The following RARB variants were observed in gnomAD, a reference collection of about 807,000 sequenced individuals.
RARB encodes the protein retinoic acid receptor beta, also known as HBV-activated protein.
A neutral mutation model predicts 51.9 loss-of-function variants in RARB; 17 were observed. The ratio of observed to expected loss-of-function variants is 0.33; its 90% CI spans 0.22 to 0.49. RARB has a LOEUF of 0.49. RARB is among the 20% of genes least tolerant of loss of function. The pLI, the probability that RARB is intolerant of heterozygous loss-of-function variation, is 0.99. For synonymous variants in RARB, 215 were observed against 195.4 expected (o/e 1.10, Z -0.84); for missense variants, 369 against 550.8 (o/e 0.67, Z 3.30).
At chr3:24,933,634 T>G (rs1471231437) in intron 2 of RARB, among the ~76,000 whole-genome samples, 8 of 151,998 alleles carry the variant, frequency 5.3e-5, no homozygotes. Flanking sequence ...AGAGCAGAAG[T>G]TATTACAGCA....
intron 4 of RARB, among the ~76,000 whole-genome samples, chr3:25,147,137 C>T (rs968429481): frequency 3.9e-5 from 6 of 152,108 alleles, no homozygotes; most frequent in African/African-American, 1.4e-4. Flanking sequence ...TTGGGGGACA[C>T]AATTTCCAGA....
intron 2 of RARB, among the ~76,000 whole-genome samples, chr3:24,928,889 G>A (rs1435243241): frequency 1.3e-5 from 2 of 151,824 alleles, no homozygotes; most frequent in African/African-American, 4.8e-5. Context: ...CTAGAAATTG[G>A]GTTCGTTTTA....
At chr3:25,321,400 C>T (rs2125439443) in intron 5 of RARB, among the ~76,000 whole-genome samples, 2 of 152,042 alleles carry the variant, frequency 1.3e-5, no homozygotes, top group East Asian at 3.9e-4. Flanking sequence ...GAAAATTTAA[C>T]AGAGATAAAA....
At chr3:25,033,197 T>C (rs1307546802) in intron 2 of RARB, among the ~76,000 whole-genome samples, 1 of 152,214 alleles carries the variant, frequency 6.6e-6, no homozygotes, top group Non-Finnish European at 1.5e-5. Flanking sequence ...GTGGGTATTA[T>C]TATGAAGGTC....
At chr3:25,259,992 TCTC>T in intron 5 of RARB, 6 of 985,308 alleles carry the variant, frequency 6.1e-6, no homozygotes, top group Non-Finnish European at 7.2e-6. Context: ...AGCCTTTTAC[TCTC>T]CTCAGTTTGT....
At chr3:25,477,037 G>A (rs1451992228) in intron 2 of RARB, among the ~76,000 whole-genome samples, 4 of 152,134 alleles carry the variant, frequency 2.6e-5, no homozygotes, top group African/African-American at 9.7e-5. Flanking sequence ...AGAAAACACA[G>A]AATTAGAGCA....
chr3:25,444,205 G>T (rs1708829090), intron 1 of RARB, among the ~76,000 whole-genome samples: 1 of 152,148 alleles, frequency 6.6e-6, no homozygotes, highest in Admixed American at 6.5e-5. Flanking sequence ...GCACTGAGAG[G>T]TTCAAATACC....
intron 5 of RARB, among the ~76,000 whole-genome samples, chr3:25,299,553 A>G (rs1289795598): frequency 1.3e-5 from 2 of 152,202 alleles, no homozygotes; most frequent in African/African-American, 4.8e-5. Flanking sequence ...CCACAGTATT[A>G]CAAGCAGTGC....
At chr3:24,853,507 C>T (rs1702590644) in intron 1 of RARB, among the ~76,000 whole-genome samples, 1 of 152,100 alleles carries the variant, frequency 6.6e-6, no homozygotes, top group Non-Finnish European at 1.5e-5. Flanking sequence ...CTCTGGTTTT[C>T]AGAACAGCAA....
chr3:25,408,997 G>A (rs1707489045), intron 5 of RARB, among the ~76,000 whole-genome samples: 4 of 152,166 alleles, frequency 2.6e-5, no homozygotes, highest in Admixed American at 2.0e-4. Flanking sequence ...TTGCGCCACT[G>A]CACTCCAGCC....
At chr3:25,344,676 A>T (rs1057107446) in intron 5 of RARB, among the ~76,000 whole-genome samples, 1 of 152,228 alleles carries the variant, frequency 6.6e-6, no homozygotes, top group African/African-American at 2.4e-5. Flanking sequence ...TCATTATGGG[A>T]ATACTTTGTG....
intron 5 of RARB, among the ~76,000 whole-genome samples, chr3:25,325,995 A>G (rs1242212034): frequency 6.6e-6 from 1 of 152,054 alleles, no homozygotes; most frequent in Admixed American, 6.6e-5. Flanking sequence ...CCCTATCATC[A>G]CCTACCTGAA....
intron 5 of RARB, among the ~76,000 whole-genome samples, chr3:25,177,082 A>G (rs957956239): frequency 8.5e-5 from 13 of 152,178 alleles, no homozygotes; most frequent in African/African-American, 2.9e-4. Flanking sequence ...AACATCAAAG[A>G]TTACTTACTT....
chr3:25,361,676 T>C (rs2125464130), intron 5 of RARB, among the ~76,000 whole-genome samples: 1 of 152,328 alleles, frequency 6.6e-6, no homozygotes, highest in East Asian at 1.9e-4. Flanking sequence ...GTGGTCATCC[T>C]TTTTGTTGAT....
At chr3:25,064,279 A>G (rs1287485658) in intron 3 of RARB, among the ~76,000 whole-genome samples, 1 of 152,172 alleles carries the variant, frequency 6.6e-6, no homozygotes, top group Non-Finnish European at 1.5e-5. Context: ...TTGAAATATT[A>G]TCTCATAAAT....
intron 2 of RARB, among the ~76,000 whole-genome samples, chr3:24,898,846 A>G (rs1703535668): frequency 6.6e-6 from 1 of 152,132 alleles, no homozygotes; most frequent in East Asian, 1.9e-4. Context: ...GCTGCACACC[A>G]CATTCAAGGT....
At chr3:25,076,994 T>G (rs1356237945) in intron 3 of RARB, among the ~76,000 whole-genome samples, 1 of 152,228 alleles carries the variant, frequency 6.6e-6, no homozygotes, top group Non-Finnish European at 1.5e-5. Flanking sequence ...GTTTTCCCAG[T>G]CTTTCAGATT....
At position 25,497,127 on chromosome 3, in the gene RARB, C is replaced by T. The variant is rs1290329251; in HGVS notation, c.307-4055C>T. The stretch of plus-strand genomic sequence containing the variant: ...TCGAACTCCCGACCCTCAGGTGATC[C>T]GCCCACCTTGGCCTCCCAAAGTGCT... On this transcript the variant is annotated intron_variant, in intron 2 of 7. Coordinates refer to ENST00000330688, the MANE Select transcript of RARB (RefSeq NM_000965.5). Among the ~76,000 whole-genome samples the T allele has an allele frequency of 3.9e-5, 6 of 152,196 alleles. No individual in the cohort carries two copies. The South Asian group carries it at 8.3e-4, about 21-fold the overall frequency.
At chr3:25,096,693 G>A (rs1699298413) in intron 3 of RARB, among the ~76,000 whole-genome samples, 1 of 152,116 alleles carries the variant, frequency 6.6e-6, no homozygotes, top group African/African-American at 2.4e-5. Flanking sequence ...ACTTTTACCT[G>A]GGCTGAGTGG....
Sources: allele counts gnomAD v4.1 joint callset (sites outside exome capture counted in the v4.1 genomes callset), GRCh38; gene constraint gnomAD v4.1.1; transcripts MANE v1.5; gene names NCBI Gene and HGNC (gene_info 2026-07-23, HGNC 2026-07-21).